TRDN: variants seen among roughly 807,000 people sequenced by gnomAD.
The protein encoded by TRDN is triadin in skeletal muscle.
TRDN carries 161 observed loss-of-function variants against 149.7 expected under a neutral mutation model. The ratio of observed to expected loss-of-function variants is 1.08; its 90% CI spans 0.95 to 1.23. The LOEUF (loss-of-function observed/expected upper bound fraction) is 1.23. TRDN is among the 50% of genes most tolerant of loss of function. The pLI is 0.00. For missense variants in TRDN, 896 were observed against 823.5 expected (o/e 1.09, Z -1.08); for synonymous variants, 294 against 250.5 (o/e 1.17, Z -1.64).
At chr6:123,413,450 A>G (rs901136794) in intron 12 of TRDN, among the ~76,000 whole-genome samples, 4 of 152,216 alleles carry the variant, frequency 2.6e-5, no homozygotes, top group Non-Finnish European at 5.9e-5. Context: ...GTTATAAAAA[A>G]TAATTAAAAT....
At chr6:123,335,547 G>T (rs1779830566) in intron 22 of TRDN, among the ~76,000 whole-genome samples, 2 of 151,924 alleles carry the variant, frequency 1.3e-5, no homozygotes, top group South Asian at 2.1e-4. Context: ...GAAGTGGTCA[G>T]TGTGGATTTA....
chr6:123,380,163 A>T (rs1227991218), intron 16 of TRDN, among the ~76,000 whole-genome samples: 1 of 152,194 alleles, frequency 6.6e-6, no homozygotes, highest in Non-Finnish European at 1.5e-5. Context: ...TCACAATCTG[A>T]GGACCTTCTC....
chr6:123,564,814 C>G (rs938188683), intron 2 of TRDN, among the ~76,000 whole-genome samples: 1 of 152,136 alleles, frequency 6.6e-6, no homozygotes, highest in African/African-American at 2.4e-5. Flanking sequence ...TTAATTCTTA[C>G]AAAATTGGTT....
intron 19 of TRDN, among the ~76,000 whole-genome samples, chr6:123,370,386 T>A (rs1781279390): frequency 1.3e-5 from 2 of 152,120 alleles, no homozygotes; most frequent in Non-Finnish European, 2.9e-5. Flanking sequence ...TTTGTGTGAT[T>A]TTTTGAGATA....
intron 23 of TRDN, among the ~76,000 whole-genome samples, chr6:123,325,173 T>C (rs1779395085): frequency 6.6e-6 from 1 of 152,092 alleles, no homozygotes; most frequent in Non-Finnish European, 1.5e-5. Context: ...ATAAGATTAT[T>C]TTTAGTGGTT....
At chr6:123,495,954 C>A (rs1778425893) in intron 9 of TRDN, among the ~76,000 whole-genome samples, 1 of 151,062 alleles carries the variant, frequency 6.6e-6, no homozygotes, top group African/African-American at 2.4e-5. Context: ...AAAGCCTTGT[C>A]TTTCCACCAT....
At chr6:123,282,550 A>G (rs1484615732) in intron 24 of TRDN, among the ~76,000 whole-genome samples, 7 of 151,926 alleles carry the variant, frequency 4.6e-5, no homozygotes, top group Non-Finnish European at 1.0e-4. Context: ...CTACAATGTG[A>G]GATAAACATA....
chr6:123,636,700 C>A (rs1214943402), intron 1 of TRDN, 54 bp downstream of exon 1: 2 of 1,600,168 alleles, frequency 1.2e-6, no homozygotes, highest in South Asian at 2.2e-5. Flanking sequence ...ATGTGGCTGT[C>A]GATTTGCATA....
intron 12 of TRDN, among the ~76,000 whole-genome samples, chr6:123,413,505 T>C (rs1235282901): frequency 5.9e-5 from 9 of 152,246 alleles, no homozygotes; most frequent in Admixed American, 3.3e-4. Flanking sequence ...CAAAATTACT[T>C]AGGAGTATTT....
At chr6:123,496,620 T>TA (rs1778459933) in intron 9 of TRDN, among the ~76,000 whole-genome samples, 1 of 152,048 alleles carries the variant, frequency 6.6e-6, no homozygotes, top group Admixed American at 6.6e-5. Flanking sequence ...GGGCAACAAT[T>TA]AAAGATACAA....
chr6:123,249,727 G>T (rs1413801672), intron 38 of TRDN, among the ~76,000 whole-genome samples: 1 of 152,090 alleles, frequency 6.6e-6, no homozygotes, highest in Non-Finnish European at 1.5e-5. Flanking sequence ...GGAGCTAAAT[G>T]ATGTGTACAC....
rs1338460728 is a variant in TRDN, at chr6:123,518,132, A to G, written c.485-1926T>C. 4.6e-5 allele frequency among the ~76,000 whole-genome samples: 7 copies of G among 152,320 alleles called. No individual in the cohort carries two copies. The East Asian group carries it at 1.4e-3, about 29-fold the overall frequency. The stretch of plus-strand genomic sequence containing the variant: ...TGCTTCCAATTATGTGAAACTTTTG[A>G]CAATTTATTGAAATTTCTCAAATAA... On this transcript the variant is annotated intron_variant, in intron 5 of 40. Transcript: ENST00000334268.
chr6:123,379,963 A>T (rs1052586782), intron 16 of TRDN, among the ~76,000 whole-genome samples: 2 of 152,212 alleles, frequency 1.3e-5, no homozygotes, highest in Non-Finnish European at 2.9e-5. Context: ...AAAATAAAAT[A>T]TAAAATTGGG....
chr6:123,531,849 T>A (rs144005299), intron 4 of TRDN, among the ~76,000 whole-genome samples: 1 of 152,044 alleles, frequency 6.6e-6, no homozygotes, highest in Admixed American at 6.6e-5. Context: ...CTGAATTGGG[T>A]GAAGCATTAT....
intron 6 of TRDN, among the ~76,000 whole-genome samples, chr6:123,514,754 A>G (rs1327968284): frequency 1.3e-5 from 2 of 152,120 alleles, no homozygotes; most frequent in East Asian, 1.9e-4. Flanking sequence ...CAACTTATAA[A>G]TAGTAAGCAG....
At chr6:123,291,744 A>C (rs142562668) in intron 24 of TRDN, among the ~76,000 whole-genome samples, 1 of 152,330 alleles carries the variant, frequency 6.6e-6, no homozygotes, top group East Asian at 1.9e-4. Flanking sequence ...AAATGGCCTA[A>C]ATATCAAAAT....
intron 4 of TRDN, among the ~76,000 whole-genome samples, chr6:123,542,797 G>A (rs1780905152): frequency 6.6e-6 from 1 of 151,482 alleles, no homozygotes; most frequent in Non-Finnish European, 1.5e-5. Context: ...AGACTTTTGG[G>A]TTTTCGCTCT....
At chr6:123,633,738 A>G (rs1383446229) in intron 1 of TRDN, among the ~76,000 whole-genome samples, 2 of 152,036 alleles carry the variant, frequency 1.3e-5, no homozygotes, top group African/African-American at 4.8e-5. Flanking sequence ...ACAATTCTGT[A>G]TTTAGCATTA....
At chr6:123,593,662 C>T (rs1426714529) in intron 1 of TRDN, among the ~76,000 whole-genome samples, 1 of 152,152 alleles carries the variant, frequency 6.6e-6, no homozygotes, top group African/African-American at 2.4e-5. Flanking sequence ...TTTCCCCTTT[C>T]CATAAGGATA....
Sources: gnomAD v4.1 joint callset for allele counts (sites outside exome capture counted in the v4.1 genomes callset) on GRCh38, gnomAD v4.1.1 for gene constraint, MANE v1.5 for transcripts, NCBI Gene and HGNC (gene_info 2026-07-23, HGNC 2026-07-21) for gene names.